The following SLC30A8 variants were observed in gnomAD, a reference collection of about 807,000 sequenced individuals.
The protein encoded by SLC30A8 is proton-coupled zinc antiporter SLC30A8.
SLC30A8 carries 27 observed loss-of-function variants against 36.9 expected under a neutral mutation model. That is an observed-to-expected ratio of 0.73 (90% CI 0.54 to 1.01). SLC30A8 has a LOEUF of 1.01. Ranked by LOEUF, SLC30A8 falls within the 50% of genes least tolerant of loss-of-function variation. SLC30A8 has a pLI of 0.00. For synonymous variants in SLC30A8, 164 were observed against 172.4 expected, an observed-to-expected ratio of 0.95 and a Z score of 0.38; for missense variants, 439 against 452.0, an observed-to-expected ratio of 0.97 and a Z score of 0.26.
At chr8:117,024,482 C>G (rs573769523) in intron 1 of SLC30A8, among the ~76,000 whole-genome samples, 4 of 152,312 alleles carry the variant, frequency 2.6e-5, no homozygotes, top group African/African-American at 9.6e-5. Flanking sequence ...TTGCATTTAA[C>G]CTGCATCTTC....
chr8:117,032,991 T>G (rs1817103759), intron 1 of SLC30A8, among the ~76,000 whole-genome samples: 1 of 152,132 alleles, frequency 6.6e-6, no homozygotes, highest in African/African-American at 2.4e-5. Flanking sequence ...CAGAGGAACC[T>G]CTGCAATCCT....
intron 6 of SLC30A8, among the ~76,000 whole-genome samples, chr8:117,169,295 A>AT (rs1406079986): frequency 7.9e-5 from 12 of 152,240 alleles, no homozygotes; most frequent in Middle Eastern, 3.4e-3. Context: ...TTCTTAGCCC[A>AT]TTTTTTGCCG....
At chr8:117,073,337 A>G (rs757459635) in intron 2 of SLC30A8, among the ~76,000 whole-genome samples, 32 of 150,470 alleles carry the variant, frequency 2.1e-4, no homozygotes, top group Admixed American at 7.9e-4. Flanking sequence ...GCTCACTGCA[A>G]CTTCCTCCTG....
chr8:117,118,060 C>T (rs781675150), intron 2 of SLC30A8, among the ~76,000 whole-genome samples: 1 of 151,532 alleles, frequency 6.6e-6, no homozygotes, highest in Non-Finnish European at 1.5e-5. Context: ...TTAGAAGTCA[C>T]CAAAATTGTG....
chr8:117,012,697 T>C (rs1344140046), intron 1 of SLC30A8, among the ~76,000 whole-genome samples: 3 of 140,574 alleles, frequency 2.1e-5, no homozygotes, highest in South Asian at 2.4e-4. Context: ...TGTGTGTGTG[T>C]GTTGTGCATG....
At chr8:117,102,924 G>C (rs968957354) in intron 2 of SLC30A8, among the ~76,000 whole-genome samples, 15 of 152,226 alleles carry the variant, frequency 9.9e-5, no homozygotes, top group African/African-American at 2.9e-4. Flanking sequence ...TCAACTCAGC[G>C]TAGTCCACTC....
At chr8:117,054,719 A>G (rs1234778377) in intron 2 of SLC30A8, among the ~76,000 whole-genome samples, 1 of 151,334 alleles carries the variant, frequency 6.6e-6, no homozygotes, top group African/African-American at 2.4e-5. Flanking sequence ...GTATTCCAGA[A>G]AAATGATAAA....
intron 1 of SLC30A8, among the ~76,000 whole-genome samples, chr8:117,144,361 A>G (rs181933169): frequency 3.7e-4 from 57 of 152,310 alleles, no homozygotes; most frequent in African/African-American, 1.2e-3. Flanking sequence ...TAAAAAACCA[A>G]TGTTGTAAAT....
At chr8:117,029,251 C>A (rs1816961267) in intron 1 of SLC30A8, among the ~76,000 whole-genome samples, 1 of 152,198 alleles carries the variant, frequency 6.6e-6, no homozygotes, top group Non-Finnish European at 1.5e-5. Flanking sequence ...TTTGTATTGG[C>A]TAAAAGGTGG....
chr8:117,146,848 A>T, intron 1 of SLC30A8, 106 bp from the exon 2 acceptor site: 1 of 1,526,160 alleles, frequency 6.6e-7, no homozygotes, highest in South Asian at 1.3e-5. Flanking sequence ...CTTCATAGCA[A>T]GTAAGCAAAT....
At chr8:117,106,624 G>C (rs1020625535) in intron 2 of SLC30A8, among the ~76,000 whole-genome samples, 15 of 152,124 alleles carry the variant, frequency 9.9e-5, no homozygotes, top group Non-Finnish European at 2.1e-4. Context: ...CCAGAACTTG[G>C]ATTGGCTGCC....
chr8:117,012,380 C>G (rs956512484), intron 1 of SLC30A8, among the ~76,000 whole-genome samples: 2 of 151,648 alleles, frequency 1.3e-5, no homozygotes, highest in African/African-American at 2.4e-5. Context: ...TTCCAGACTT[C>G]CCAGTGAAGT....
chr8:117,163,302 G>A (rs1486697977), intron 5 of SLC30A8, 123 bp from the exon 6 acceptor site: 1 of 700,386 alleles, frequency 1.4e-6, no homozygotes, highest in African/African-American at 1.8e-5. Flanking sequence ...GATGACACAT[G>A]TCAAAAGGGT....
intron 2 of SLC30A8, among the ~76,000 whole-genome samples, chr8:117,095,449 C>T (rs2130840651): frequency 6.7e-6 from 1 of 149,348 alleles, no homozygotes; most frequent in East Asian, 2.0e-4. Flanking sequence ...AACTTGAGGA[C>T]AGGGTTTTTT....
chr8:117,159,041 A>T (rs1163640775), intron 4 of SLC30A8, among the ~76,000 whole-genome samples: 1 of 152,188 alleles, frequency 6.6e-6, no homozygotes, highest in Non-Finnish European at 1.5e-5. Flanking sequence ...TGTATTTCTG[A>T]TGTTGAAAAT....
chr8:117,011,359 G>C (rs1325192099), intron 1 of SLC30A8, among the ~76,000 whole-genome samples: 1 of 152,172 alleles, frequency 6.6e-6, no homozygotes, highest in Non-Finnish European at 1.5e-5. Flanking sequence ...CTCTTTGCCT[G>C]AATGAAACTT....
intron 1 of SLC30A8, among the ~76,000 whole-genome samples, chr8:116,973,700 T>C (rs1194573645): frequency 1.3e-5 from 2 of 152,158 alleles, no homozygotes; most frequent in African/African-American, 4.8e-5. Context: ...TTAAAGTTCA[T>C]ATGGAACCAA....
intron 1 of SLC30A8, among the ~76,000 whole-genome samples, chr8:117,021,900 A>G (rs1476243155): frequency 6.6e-6 from 1 of 152,148 alleles, no homozygotes; most frequent in African/African-American, 2.4e-5. Context: ...GCTGCAGAGT[A>G]ATGGGGAAAC....
intron 1 of SLC30A8, among the ~76,000 whole-genome samples, chr8:116,986,865 AAAATC>A (rs1413706415): frequency 1.1e-4 from 17 of 152,224 alleles, no homozygotes; most frequent in African/African-American, 4.1e-4. Flanking sequence ...AGACCCAAGA[AAAATC>A]AAACGTTTCT....
Sources: allele counts gnomAD v4.1 joint callset (sites outside exome capture counted in the v4.1 genomes callset), GRCh38; gene constraint gnomAD v4.1.1; transcripts MANE v1.5; gene names NCBI Gene and HGNC (gene_info 2026-07-23, HGNC 2026-07-21).